The following CNTN1 variants were observed in gnomAD, a reference collection of about 807,000 sequenced individuals.
The protein encoded by CNTN1 is contactin-1.
CNTN1 carries 38 observed loss-of-function variants against 126.4 expected under a neutral mutation model. The observed-to-expected ratio is 0.30, with a 90% CI of 0.23 to 0.39. The LOEUF (loss-of-function observed/expected upper bound fraction) is 0.39, where lower values mean the gene tolerates loss of function less well. Ranked by LOEUF, CNTN1 falls within the 10% of genes least tolerant of loss-of-function variation. The probability of loss-of-function intolerance (pLI) is 1.00; values close to 1 mark genes in which losing one functional copy is unlikely to be tolerated. For synonymous variants in CNTN1, 413 were observed against 422.6 expected, an observed-to-expected ratio of 0.98 and a Z score of 0.28; for missense variants, 1,009 against 1,248.4, an observed-to-expected ratio of 0.81 and a Z score of 2.89.
intron 1 of CNTN1, among the ~76,000 whole-genome samples, chr12:40,813,948 G>T (rs550310572): frequency 3.8e-4 from 58 of 152,086 alleles, no homozygotes; most frequent in African/African-American, 1.3e-3. Flanking sequence ...AGGATCAGTG[G>T]TGTTCAGCTT....
At chr12:40,877,110 A>G (rs1943693405) in intron 1 of CNTN1, among the ~76,000 whole-genome samples, 1 of 152,100 alleles carries the variant, frequency 6.6e-6, no homozygotes, top group African/African-American at 2.4e-5. Flanking sequence ...AAGTTGGCAT[A>G]TTTTCCCTTC....
At chr12:40,862,633 T>C (rs1387195611) in intron 1 of CNTN1, among the ~76,000 whole-genome samples, 2 of 152,156 alleles carry the variant, frequency 1.3e-5, no homozygotes, top group Non-Finnish European at 2.9e-5. Context: ...GCTTTCAGCA[T>C]CCAATGCAGA....
At chr12:40,757,177 C>T (rs1938644105) in intron 1 of CNTN1, among the ~76,000 whole-genome samples, 1 of 152,006 alleles carries the variant, frequency 6.6e-6, no homozygotes, top group Non-Finnish European at 1.5e-5. Context: ...ATATTAATCC[C>T]ATCATGGGGG....
At chr12:40,730,896 C>T (rs1942483052) in intron 1 of CNTN1, among the ~76,000 whole-genome samples, 1 of 151,860 alleles carries the variant, frequency 6.6e-6, no homozygotes, top group Non-Finnish European at 1.5e-5. Context: ...GATGGAATGC[C>T]TTGCAATGTA....
At chr12:41,043,355 C>T (rs1206664010) in intron 23 of CNTN1, among the ~76,000 whole-genome samples, 1 of 152,136 alleles carries the variant, frequency 6.6e-6, no homozygotes, top group African/African-American at 2.4e-5. Flanking sequence ...TGAACAGACA[C>T]TTCTCAAAAG....
intron 1 of CNTN1, among the ~76,000 whole-genome samples, chr12:40,781,914 C>T (rs1019096156): frequency 6.6e-6 from 1 of 151,904 alleles, no homozygotes; most frequent in African/African-American, 2.4e-5. Context: ...TGTTAATTAT[C>T]AAGGTAACTG....
intron 1 of CNTN1, among the ~76,000 whole-genome samples, chr12:40,869,357 C>T (rs1018472837): frequency 3.3e-5 from 5 of 151,594 alleles, no homozygotes; most frequent in Admixed American, 1.3e-4. Flanking sequence ...GCCTTGCCCT[C>T]CCTGGGATCA....
intron 1 of CNTN1, among the ~76,000 whole-genome samples, chr12:40,838,328 C>T (rs1202761803): frequency 6.6e-6 from 1 of 152,178 alleles, no homozygotes; most frequent in Non-Finnish European, 1.5e-5. Flanking sequence ...CATCAACACA[C>T]ACCAACTGAG....
At chr12:41,034,782 A>G (rs528042181) in intron 23 of CNTN1, among the ~76,000 whole-genome samples, 1 of 152,222 alleles carries the variant, frequency 6.6e-6, no homozygotes, top group Non-Finnish European at 1.5e-5. Flanking sequence ...TTGCCTAACC[A>G]CATAAATGTA....
At chr12:40,863,941 T>TCCCTCCCC (rs1943204812) in intron 1 of CNTN1, among the ~76,000 whole-genome samples, 3 of 99,400 alleles carry the variant, frequency 3.0e-5, no homozygotes, top group Non-Finnish European at 4.2e-5. Context: ...CCTCCCTCCC[T>TCCCTCCCC]CCCTCCCTCC....
At chr12:40,987,374 T>C (rs1480448425) in intron 16 of CNTN1, among the ~76,000 whole-genome samples, 3 of 152,240 alleles carry the variant, frequency 2.0e-5, no homozygotes, top group Non-Finnish European at 4.4e-5. Context: ...TCTCTTGGAC[T>C]GTTTTTAGCA....
chr12:40,808,489 T>TA (rs1174210200), intron 1 of CNTN1, among the ~76,000 whole-genome samples: 1 of 152,090 alleles, frequency 6.6e-6, no homozygotes, highest in African/African-American at 2.4e-5. Context: ...ACAGATAAAA[T>TA]AGGTGTAAAT....
intron 6 of CNTN1, among the ~76,000 whole-genome samples, chr12:40,929,029 A>G (rs777404085): frequency 3.3e-5 from 5 of 151,996 alleles, no homozygotes; most frequent in African/African-American, 7.2e-5. Flanking sequence ...ACCTAAAGGT[A>G]TGCATTGCCC....
chr12:41,011,375 C>A (rs1407355960), intron 17 of CNTN1, among the ~76,000 whole-genome samples: 2 of 152,178 alleles, frequency 1.3e-5, no homozygotes, highest in South Asian at 4.1e-4. Flanking sequence ...TCAAAGGAGT[C>A]CCTGTGCTTC....
intron 1 of CNTN1, among the ~76,000 whole-genome samples, chr12:40,720,478 G>C (rs1470560730): frequency 2.0e-5 from 3 of 152,016 alleles, no homozygotes; most frequent in Non-Finnish European, 1.5e-5. Flanking sequence ...TTAAGGCACA[G>C]AGTCAAATAC....
Position 40,937,810 on chromosome 12 carries a change from T to C in CNTN1, c.1228+123T>C, listed in dbSNP as rs1442193. ...TTAGGTGTACAACATATGTTGGTTGTTTACTGATTTATTTATTGCTAATTA... is the reference window on the plus strand; with the variant it reads ...TTAGGTGTACAACATATGTTGGTTGCTTACTGATTTATTTATTGCTAATTA... On this transcript the variant is annotated intron_variant, in intron 11 of 23. Coordinates refer to ENST00000551295, the MANE Select transcript of CNTN1 (RefSeq NM_001843.4). The C allele has an allele frequency of 0.64, 463,346 of 722,634 alleles. 150,503 individuals are homozygous for C. The highest frequency in any genetic ancestry group is 0.81 in the African/African-American group (46,750 of 57,610). 44.8% of individuals were successfully genotyped at this position (722,634 alleles called of 1,614,324 possible).
rs141398447 is a variant in CNTN1, at chr12:40,876,977, C to T, written c.-76-31380C>T. ...CTTGTCTTTGTATACTGTTTCAAAA[C>T]CTAGGCACTCAAGTGTGTCATTTTC... is the stretch of plus-strand genomic sequence containing the variant. On this transcript the variant is annotated intron_variant, in intron 1 of 23. Transcript: ENST00000551295. Among the ~76,000 whole-genome samples, 222 of 152,148 alleles carry T rather than the reference C, an allele frequency of 1.5e-3. 1 individual carries two copies. The highest frequency in any genetic ancestry group is 5.6e-3 in the South Asian group (27 of 4,814).
At chr12:40,812,402 T>C (rs992093071) in intron 1 of CNTN1, among the ~76,000 whole-genome samples, 4 of 152,098 alleles carry the variant, frequency 2.6e-5, no homozygotes, top group Non-Finnish European at 2.9e-5. Flanking sequence ...ACTTTGTCTA[T>C]AGGTTATTTA....
At chr12:40,764,765 A>C (rs1342822551) in intron 1 of CNTN1, among the ~76,000 whole-genome samples, 1 of 152,216 alleles carries the variant, frequency 6.6e-6, no homozygotes, top group Non-Finnish European at 1.5e-5. Flanking sequence ...TATGCTTAGA[A>C]GCATTTCAGC....
Sources: allele counts gnomAD v4.1 joint callset (sites outside exome capture counted in the v4.1 genomes callset), GRCh38; gene constraint gnomAD v4.1.1; transcripts MANE v1.5; gene names NCBI Gene and HGNC (gene_info 2026-07-23, HGNC 2026-07-21).